Variants in MXRA5 observed in about 807,000 individuals in gnomAD.
The protein encoded by MXRA5 is matrix-remodeling-associated protein 5.
Under a neutral mutation model 112.5 loss-of-function variants are expected in MXRA5, and 41 were observed. The ratio of observed to expected loss-of-function variants is 0.36; its 90% CI spans 0.28 to 0.47. The LOEUF is 0.47. Among genes scored for constraint, MXRA5 ranks in the 20% least tolerant of loss-of-function variants. MXRA5 has a pLI of 0.99. For missense variants in MXRA5, 2,150 were observed against 2,251.0 expected, an observed-to-expected ratio of 0.96 and a Z score of 0.91; for synonymous variants, 862 against 900.8, an observed-to-expected ratio of 0.96 and a Z score of 0.77.
In MXRA5 at chrX:3,320,328, G is replaced by A; in HGVS notation, c.5357C>T (p.Ala1786Val). 1 of 1,211,989 alleles carries A rather than the reference G, an allele frequency of 8.3e-7. No homozygotes were observed. Among genetic ancestry groups the A allele is most frequent in the Non-Finnish European group, 1.1e-6 (1 of 895,512 alleles). The stretch of plus-strand genomic sequence containing the variant: ...CTGCGGAGTGTGCAACAACGGAGGT[G>A]CCGGAGGGCCAAAGTCCAGATGGAA... The part of the protein sequence containing the change: ...STFHLDFGPP[A>V]PPLLHTPQTT... The change falls in exon 5 of 7, where the codon GCA (alanine) becomes GTA (valine). Residue 1786 changes from alanine (A) to valine (V), a missense_variant. This residue lies in a region of MXRA5 where 1,485 missense variants were observed against 1,471.6 expected (regional missense o/e 1.01). Coordinates refer to ENST00000217939, the MANE Select transcript of MXRA5 (RefSeq NM_015419.4).
Position 3,322,848 on chromosome X carries a change from G to A in MXRA5, c.2837C>T (p.Ala946Val), listed in dbSNP as rs779022635. ...HEETATEGWS[A>V]ADVGSSPEPT... ...CTCTGGTGACGATCCAACATCTGCTGCAGACCAACCCTCTGTTGCCGTCTC... is the reference window on the plus strand; with the variant it reads ...CTCTGGTGACGATCCAACATCTGCTACAGACCAACCCTCTGTTGCCGTCTC... Residue 946 changes from alanine to valine, a missense_variant, in exon 5 of 7, where the codon GCA (alanine) becomes GTA (valine). Ala to Val is a moderately conservative substitution (Grantham distance 64). Coordinates refer to ENST00000217939, the MANE Select transcript of MXRA5 (RefSeq NM_015419.4). The A allele has an allele frequency of 1.9e-5, 23 of 1,209,681 alleles. No homozygotes were observed. The East Asian group carries it at 4.4e-4, about 23-fold the overall frequency.
At position 3,322,932 on chromosome X, in the gene MXRA5, T is replaced by C. The variant is rs377706478; in HGVS notation, c.2753A>G (p.Tyr918Cys). Residue 918 changes from tyrosine (Y) to cysteine (C), a missense_variant, in exon 5 of 7, where the codon TAT becomes TGT. Tyr to Cys is a radical substitution (Grantham distance 194, BLOSUM62 -2). This residue lies in a region of MXRA5 where 1,485 missense variants were observed against 1,471.6 expected (regional missense o/e 1.01). Transcript: ENST00000217939. ...TAAPTLISEP[Y>C]EPSPTLHTLD... Reference sequence around the variant, plus strand: ...TGTGTGCAGAGTAGGAGATGGTTCATAAGGCTCAGATATAAGTGTAGGGGC... The same window carrying C: ...TGTGTGCAGAGTAGGAGATGGTTCACAAGGCTCAGATATAAGTGTAGGGGC... 3 of 1,209,415 alleles carry C rather than the reference T, an allele frequency of 2.5e-6. No individual in the cohort carries two copies. In the African/African-American group the frequency reaches 5.3e-5, roughly 21 times the overall value.
chrX:3,320,413 C>A lies in MXRA5; in HGVS notation c.5272G>T (p.Val1758Leu). 8.3e-7 allele frequency: 1 copy of A among 1,211,748 alleles called. No homozygotes were observed. Among genetic ancestry groups the A allele is most frequent in the Non-Finnish European group, 1.1e-6 (1 of 895,486 alleles). ...GGAATAACTTTTCTCTCTCTCATTA[C>A]TGGGGCAGGAGAAGTGGGTATCTGG... ...RPQIPTSPAP[V>L]MRERKVIPGS... Residue 1758 changes from valine (V) to leucine (L), a missense_variant, in exon 5 of 7, where the codon GTA becomes TTA. Transcript: ENST00000217939.
intron 4 of MXRA5, among the ~76,000 whole-genome samples, chrX:3,329,319 A>AGAAG (rs371190156): frequency 3.1e-4 from 27 of 88,469 alleles, no homozygotes; most frequent in East Asian, 8.1e-4. Flanking sequence ...GAAGGAAAAA[A>AGAAG]GAAGGAAGGA....
In MXRA5 at chrX:3,317,112, G is replaced by A. The variant is rs756980812; in HGVS notation, c.6569C>T (p.Ala2190Val). Residue 2190 changes from alanine to valine, a missense_variant, in exon 6 of 7, where the codon GCG becomes GTG. Ala to Val is a moderately conservative substitution (Grantham distance 64). Transcript: ENST00000217939. ...ACGCAGAGCTGCCTACCTGAAGAGCGCGTCGATCATCCTCTTGGACGGCAG... is the reference window on the plus strand; with the variant it reads ...ACGCAGAGCTGCCTACCTGAAGAGCACGTCGATCATCCTCTTGGACGGCAG... ...WRLPSKRMID[A>V]LFSFDSRIKV... is the part of the protein sequence containing the mutation. The A allele has an allele frequency of 4.3e-6, 5 of 1,165,586 alleles. No homozygotes were observed. In the Admixed American group the frequency reaches 7.3e-5, roughly 17 times the overall value.
In MXRA5 at chrX:3,309,478, C is replaced by A; in HGVS notation, c.*238G>T. 2.5e-6 allele frequency: 1 copy of A among 398,062 alleles called. No homozygotes were observed. 32.8% of individuals were successfully genotyped at this position (398,062 alleles called of 1,213,427 possible). A position where few individuals can be genotyped will look rare whatever the true frequency, so the allele number is the denominator to read the frequency against. On this transcript the variant is annotated 3_prime_UTR_variant, in exon 7 of 7. Transcript: ENST00000217939. ...AGAGCACAGACACCCTGAATGAAGCCCCTGGCATGATGTAAACACAAAAGA... is the reference window on the plus strand; with the variant it reads ...AGAGCACAGACACCCTGAATGAAGCACCTGGCATGATGTAAACACAAAAGA...
rs1920961318 is a variant in MXRA5 at position 3,308,570 on chromosome X, G to A, written c.*1146C>T. 1 of 111,785 alleles carries A rather than the reference G, an allele frequency of 8.9e-6. No individual in the cohort carries two copies. Among genetic ancestry groups the A allele is most frequent in the Admixed American group, 9.5e-5 (1 of 10,506 alleles). The allele number at this position is 111,785 out of a possible 1,213,427, so 9.2% of individuals were successfully genotyped here. A position where few individuals can be genotyped will look rare whatever the true frequency, so the allele number is the denominator to read the frequency against. The stretch of plus-strand genomic sequence containing the variant: ...GCATTGTCATCACTGCCCGGTTTTT[G>A]GGAGAATATTATTTTATTATCAAAT... On this transcript the variant is annotated 3_prime_UTR_variant, in exon 7 of 7. Coordinates refer to ENST00000217939, the MANE Select transcript of MXRA5 (RefSeq NM_015419.4).
chrX:3,338,318 G>A (rs1292611632), intron 2 of MXRA5, among the ~76,000 whole-genome samples: 2 of 111,614 alleles, frequency 1.8e-5, no homozygotes, highest in Non-Finnish European at 3.8e-5. Flanking sequence ...ATCCATTGTT[G>A]ATAACTATTG....
intron 2 of MXRA5, among the ~76,000 whole-genome samples, chrX:3,331,168 AG>A (rs1188300090): frequency 1.8e-5 from 2 of 111,587 alleles, no homozygotes; most frequent in Non-Finnish European, 3.8e-5. Context: ...GGGCTCCCAA[AG>A]TGCTGGGATT....
Position 3,317,421 on chromosome X carries a change from G to A in MXRA5, c.6260C>T (p.Thr2087Ile). ...PSVRWVLGDGTQIRPSQFLHG... is the reference protein window; with the variant it reads ...PSVRWVLGDGIQIRPSQFLHG... ...GAGGAACTGCGAGGGGCGGATCTGG[G>A]TACCGTCCCCGAGCACCCAGCGCAC... Residue 2087 changes from threonine to isoleucine, a missense_variant, in exon 6 of 7, where the codon ACC becomes ATC. Physicochemically the swap from Thr to Ile is moderately conservative, Grantham distance 89 (BLOSUM62 -1). Around this residue, in one of 6 missense-constraint regions of MXRA5, gnomAD observed 1,485 missense variants for 1,471.6 expected, o/e 1.01. Coordinates refer to ENST00000217939, the MANE Select transcript of MXRA5 (RefSeq NM_015419.4). 8.3e-7 allele frequency: 1 copy of A among 1,202,164 alleles called. No homozygotes were observed. The highest frequency in any genetic ancestry group is 1.8e-5 in the South Asian group (1 of 55,554).
Position 3,309,421 on chromosome X carries a change from G to A in MXRA5, c.*295C>T. The A allele has an allele frequency of 3.1e-6, 1 of 325,960 alleles. No individual in the cohort carries two copies. Among genetic ancestry groups the A allele is most frequent in the Non-Finnish European group, 5.3e-6 (1 of 188,459 alleles). 26.9% of individuals were successfully genotyped at this position (325,960 alleles called of 1,213,427 possible). A position where few individuals can be genotyped will look rare whatever the true frequency, so the allele number is the denominator to read the frequency against. Reference sequence around the variant, plus strand: ...TATGGACGCTTATGAAGGCAGTCGAGTGGCATTTGCAAAAAAAGAAAAATT... The same window carrying A: ...TATGGACGCTTATGAAGGCAGTCGAATGGCATTTGCAAAAAAAGAAAAATT... On this transcript the variant is annotated 3_prime_UTR_variant, in exon 7 of 7. Coordinates refer to ENST00000217939, the MANE Select transcript of MXRA5 (RefSeq NM_015419.4).
Position 3,321,393 on chromosome X carries a change from G to C in MXRA5, c.4292C>G (p.Pro1431Arg), listed in dbSNP as rs754786279. The C allele has an allele frequency of 3.3e-6, 4 of 1,210,072 alleles. No individual in the cohort carries two copies. The African/African-American group carries it at 7.0e-5, about 21-fold the overall frequency. ...EFLSSLTVST[P>R]FHQEEAGSST... ...AGAACCAGCTTCTTCCTGGTGAAATGGTGTGGAGACTGTCAAAGAGGACAA... is the reference window on the plus strand; with the variant it reads ...AGAACCAGCTTCTTCCTGGTGAAATCGTGTGGAGACTGTCAAAGAGGACAA... The change falls in exon 5 of 7, where the codon CCA becomes CGA. Residue 1431 changes from proline (P) to arginine (R), a missense_variant. Physicochemically the swap from Pro to Arg is moderately radical, Grantham distance 103. Around this residue, in one of 6 missense-constraint regions of MXRA5, gnomAD observed 1,485 missense variants for 1,471.6 expected, o/e 1.01. Transcript: ENST00000217939.
Position 3,311,003 on chromosome X carries a change from A to G in MXRA5, c.7200T>C (p.Asp2400=). ...GGGCTTTCTGAATAAGGAGAGTGCC[A>G]TCTTGGTATATCTGATACTTCTCAG... ...TSSEKYQIYQ[D]GTLLIQKAQR... is the part of the protein sequence containing the mutation. Residue 2400 remains aspartate, a synonymous_variant, in exon 7 of 7, where the codon GAT becomes GAC. Coordinates refer to ENST00000217939, the MANE Select transcript of MXRA5 (RefSeq NM_015419.4). 1 of 1,211,274 alleles carries G rather than the reference A, an allele frequency of 8.3e-7. No individual in the cohort carries two copies. The highest frequency in any genetic ancestry group is 1.1e-6 in the Non-Finnish European group (1 of 895,416).
chrX:3,317,677 T>A lies in MXRA5; in HGVS notation c.6004A>T (p.Ile2002Phe). 3 of 1,202,836 alleles carry A rather than the reference T, an allele frequency of 2.5e-6. No homozygotes were observed. The change falls in exon 6 of 7, where the codon ATC becomes TTC. Residue 2002 changes from isoleucine to phenylalanine, a missense_variant. Physicochemically the swap from Ile to Phe is conservative, Grantham distance 21. Around this residue, in one of 6 missense-constraint regions of MXRA5, gnomAD observed 1,485 missense variants for 1,471.6 expected, o/e 1.01. Transcript: ENST00000217939. The stretch of plus-strand genomic sequence containing the variant: ...AGGGTCCGGTTTTCGTGCAGGGTGA[T>A]GCGGCCCTCCACGGGGGACACAGTT... ...WQTVSPVEGR[I>F]TLHENRTLSI...
At position 3,317,606 on chromosome X, in the gene MXRA5, G is replaced by A. The variant is rs755527727; in HGVS notation, c.6075C>T (p.Cys2025=). 8.3e-7 allele frequency: 1 copy of A among 1,209,691 alleles called. No homozygotes were observed. Among genetic ancestry groups the A allele is most frequent in the East Asian group, 3.0e-5 (1 of 33,754 alleles). The part of the protein sequence containing the change: ...ASFSDRGVYK[C]VASNAAGADS... ...CCGCCCCGGCTGCATTGCTGGCCAC[G>A]CACTTATAGACGCCTCTGTCTGAGA... Residue 2025 remains cysteine (C), a synonymous_variant, in exon 6 of 7, where the codon TGC becomes TGT. Coordinates refer to ENST00000217939, the MANE Select transcript of MXRA5 (RefSeq NM_015419.4).
Position 3,321,505 on chromosome X carries a change from C to T in MXRA5, c.4180G>A (p.Gly1394Ser). Residue 1394 changes from glycine (G) to serine (S), a missense_variant, in exon 5 of 7, where the codon GGC becomes AGC. By Grantham distance (56) the Gly-to-Ser change is moderately conservative. Transcript: ENST00000217939. ...RTAQPGRLQT[G>S]IPVTTSGENL... The stretch of plus-strand genomic sequence containing the variant: ...TCCCCAGAAGTGGTAACAGGTATGC[C>T]TGTCTGTAGCCTCCCAGGCTGGGCC... 8.3e-7 allele frequency: 1 copy of T among 1,210,607 alleles called. No homozygotes were observed. Among genetic ancestry groups the T allele is most frequent in the Non-Finnish European group, 1.1e-6 (1 of 894,955 alleles).
At chrX:3,319,389 G>A (rs1921236066) in intron 5 of MXRA5, among the ~76,000 whole-genome samples, 1 of 112,346 alleles carries the variant, frequency 8.9e-6, no homozygotes, top group Non-Finnish European at 1.9e-5. Context: ...TCCAAGGTGA[G>A]CTAAGATGCC....
At chrX:3,315,302 CAGAA>C (rs1413250922) in intron 6 of MXRA5, among the ~76,000 whole-genome samples, 1 of 86,703 alleles carries the variant, frequency 1.2e-5, no homozygotes, top group Non-Finnish European at 2.3e-5. Flanking sequence ...GATGGATAGA[CAGAA>C]AGACAGACAG....
In MXRA5 at chrX:3,310,251, T is replaced by C. The variant is rs746343357; in HGVS notation, c.7952A>G (p.Asn2651Ser). ...KQYHNLVSIINGETLKLPCTP... is the reference protein window; with the variant it reads ...KQYHNLVSIISGETLKLPCTP... ...GCAGGGGAGCTTCAGGGTCTCACCA[T>C]TGATGATGCTGACCAGGTTATGATA... is the stretch of plus-strand genomic sequence containing the variant. Residue 2651 changes from asparagine (N) to serine (S), a missense_variant, in exon 7 of 7, where the codon AAT becomes AGT. By Grantham distance (46) the Asn-to-Ser change is conservative. Transcript: ENST00000217939. The C allele has an allele frequency of 5.2e-5, 63 of 1,209,507 alleles. No homozygotes were observed. Among genetic ancestry groups the C allele is most frequent in the Non-Finnish European group, 6.4e-5 (57 of 895,002 alleles).
Sources: allele counts gnomAD v4.1 joint callset (sites outside exome capture counted in the v4.1 genomes callset), GRCh38; gene constraint gnomAD v4.1.1; regional missense constraint gnomAD v4.1.1; transcripts MANE v1.5; gene names NCBI Gene and HGNC (gene_info 2026-07-23, HGNC 2026-07-21).